Variants in HYDIN observed in about 807,000 individuals in gnomAD.
HYDIN encodes the protein axonemal central pair apparatus protein HYDIN.
In HYDIN, 132 loss-of-function variants were observed where a neutral mutation model predicts 403.9. The observed-to-expected ratio is 0.33, with a 90% CI of 0.28 to 0.38. The LOEUF (loss-of-function observed/expected upper bound fraction) is 0.38, where lower values mean the gene tolerates loss of function less well. Ranked by LOEUF, HYDIN falls within the 10% of genes least tolerant of loss-of-function variation. The pLI, the probability that HYDIN is intolerant of heterozygous loss-of-function variation, is 1.00. For missense variants in HYDIN, 2,827 were observed against 5,009.5 expected (o/e 0.56, Z 13.15); for synonymous variants, 1,202 against 1,891.7 (o/e 0.64, Z 9.46).
Position 71,067,294 on chromosome 16 carries a change from C to T in HYDIN, c.2071G>A (p.Ala691Thr), listed in dbSNP as rs769834069. 1.2e-6 allele frequency: 2 copies of T among 1,608,180 alleles called. No individual in the cohort carries two copies. Among genetic ancestry groups the T allele is most frequent in the Admixed American group, 1.7e-5 (1 of 59,676 alleles). Reference sequence around the variant, plus strand: ...GAGCAAGCTGGGGAGCAATACCTTGCTGTAATTAAGAGCGCCAGCACCTCT... The same window carrying T: ...GAGCAAGCTGGGGAGCAATACCTTGTTGTAATTAAGAGCGCCAGCACCTCT... ...GEEVLALLIT[A>T]RCVVPALHLV... Residue 691 changes from alanine (A) to threonine (T), a missense_variant, in exon 15 of 86, where the codon GCA (alanine) becomes ACA (threonine). Transcript: ENST00000393567.
Position 71,040,196 on chromosome 16 carries a change from C to A in HYDIN, c.2530-8279G>T, listed in dbSNP as rs1228585494. On this transcript the variant is annotated intron_variant, in intron 18 of 85. Coordinates refer to ENST00000393567, the MANE Select transcript of HYDIN (RefSeq NM_001270974.2). ...TGGTGCCGATGCGGTTGGCTGGTTT[C>A]AGCACTCATGCATTCCAGTTCCCAC... 2.0e-5 allele frequency among the ~76,000 whole-genome samples: 3 copies of A among 152,100 alleles called. No individual in the cohort carries two copies. In the East Asian group the frequency reaches 5.8e-4, roughly 30 times the overall value.
In HYDIN at chr16:70,862,041, T is replaced by A. The variant is rs1413779166; in HGVS notation, c.11777+7A>T. On this transcript the variant is annotated splice_region_variant and intron_variant, in intron 69 of 85. Transcript: ENST00000393567. ...AGAAGGGTGTTGTGGCGAGCACATT[T>A]TCTTACTGGCAGAAAAGGTTGCTCT... 9 of 1,558,670 alleles carry A rather than the reference T, an allele frequency of 5.8e-6. No individual in the cohort carries two copies.
intron 50 of HYDIN, among the ~76,000 whole-genome samples, chr16:70,906,375 T>C (rs1436009470): frequency 1.3e-5 from 2 of 151,812 alleles, no homozygotes; most frequent in Non-Finnish European, 2.9e-5. Flanking sequence ...AAAGACATGA[T>C]TGCGTAGGAG....
chr16:70,891,252 G>A (rs1387775479), intron 57 of HYDIN, among the ~76,000 whole-genome samples: 1 of 151,974 alleles, frequency 6.6e-6, no homozygotes. Flanking sequence ...GCAGTGGCGC[G>A]ATCTCGGCTC....
At position 70,908,389 on chromosome 16, in the gene HYDIN, C is replaced by T. The variant is rs755781367; in HGVS notation, c.8259G>A (p.Thr2753=). Residue 2753 remains threonine, a synonymous_variant, in exon 49 of 86, where the codon ACG becomes ACA. Coordinates refer to ENST00000393567, the MANE Select transcript of HYDIN (RefSeq NM_001270974.2). ...RWIVPANGEV[T]LQVHFSSDEF... ...CATCAGAAGAGAAGTGCACCTGCAA[C>T]GTTACCTCGCCATTGGCTGGCACGA... 16 of 1,286,502 alleles carry T rather than the reference C, an allele frequency of 1.2e-5. No homozygotes were observed. The highest frequency in any genetic ancestry group is 4.2e-5 in the South Asian group (3 of 71,550). 79.7% of individuals were successfully genotyped at this position (1,286,502 alleles called of 1,614,324 possible). A position where few individuals can be genotyped will look rare whatever the true frequency, so the allele number is the denominator to read the frequency against.
At chr16:71,038,010 C>G (rs374522693) in intron 18 of HYDIN, among the ~76,000 whole-genome samples, 2 of 152,138 alleles carry the variant, frequency 1.3e-5, no homozygotes, top group African/African-American at 4.8e-5. Flanking sequence ...AAAAAATGAG[C>G]CTTCCTAAGC....
intron 8 of HYDIN, among the ~76,000 whole-genome samples, chr16:71,134,545 C>T (rs1212027196): frequency 2.0e-5 from 3 of 152,072 alleles, no homozygotes; most frequent in Non-Finnish European, 2.9e-5. Context: ...GGGTCTCTGC[C>T]CATAAGCAAG....
intron 80 of HYDIN, among the ~76,000 whole-genome samples, chr16:70,831,539 A>C (rs987586564): frequency 1.3e-5 from 2 of 148,902 alleles, no homozygotes; most frequent in Admixed American, 6.7e-5. Context: ...CAAAAAAAAA[A>C]AAAACAAGAA....
At chr16:71,176,660 A>T (rs2086681624) in intron 4 of HYDIN, among the ~76,000 whole-genome samples, 1 of 152,212 alleles carries the variant, frequency 6.6e-6, no homozygotes, top group Non-Finnish European at 1.5e-5. Flanking sequence ...GAGCAGCAGG[A>T]GATCCCCCAG....
chr16:70,994,530 C>T (rs1419558578), intron 23 of HYDIN, among the ~76,000 whole-genome samples: 1 of 151,464 alleles, frequency 6.6e-6, no homozygotes, highest in African/African-American at 2.4e-5. Flanking sequence ...TGAAACCACT[C>T]CATTAGGGGC....
chr16:71,090,734 G>C (rs117124463), intron 11 of HYDIN, among the ~76,000 whole-genome samples: 12,206 of 151,876 alleles, frequency 0.08, 1,186 homozygotes, highest in African/African-American at 0.22. Flanking sequence ...TGAACTCCTG[G>C]GCTCAAGCGA....
At chr16:70,839,526 T>C (rs1348515202) in intron 76 of HYDIN, among the ~76,000 whole-genome samples, 3 of 146,760 alleles carry the variant, frequency 2.0e-5, no homozygotes. Context: ...ATTTTCATCA[T>C]GATGGAAAGT....
chr16:71,192,249 T>A (rs1382482538), intron 1 of HYDIN, among the ~76,000 whole-genome samples: 2 of 152,128 alleles, frequency 1.3e-5, no homozygotes, highest in African/African-American at 4.8e-5. Flanking sequence ...CTCTTTTCCA[T>A]CCCTGCTGCC....
intron 45 of HYDIN, among the ~76,000 whole-genome samples, chr16:70,934,138 T>C (rs898045505): frequency 3.3e-5 from 5 of 152,128 alleles, no homozygotes; most frequent in Non-Finnish European, 7.4e-5. Context: ...AGTCAAGGCC[T>C]AACCCATGCC....
intron 1 of HYDIN, among the ~76,000 whole-genome samples, chr16:71,223,958 A>G (rs2040918027): frequency 6.6e-6 from 1 of 152,252 alleles, no homozygotes; most frequent in South Asian, 2.1e-4. Flanking sequence ...TACCCAAAGG[A>G]AAAGAAGTCA....
At chr16:71,028,472 T>C (rs564099700) in intron 19 of HYDIN, among the ~76,000 whole-genome samples, 3 of 152,260 alleles carry the variant, frequency 2.0e-5, no homozygotes, top group Admixed American at 6.5e-5. Context: ...AAATATTTAC[T>C]AAGAACGTTC....
Position 70,807,715 on chromosome 16 carries a change from G to A in HYDIN, c.15231C>T (p.Ile5077=). Residue 5077 remains isoleucine (I), a synonymous_variant, in exon 86 of 86, where the codon ATC becomes ATT. Transcript: ENST00000393567. ...ATGGGTTTCCTTCAAAGGAGACTGT[G>A]ATGTTGTTGATCTTCTTGGGCCGCA... is the stretch of plus-strand genomic sequence containing the variant. ...ESVRPKKINN[I]TVSFEGNPSG... 6.2e-7 allele frequency: 1 copy of A among 1,614,188 alleles called. No homozygotes were observed. The highest frequency in any genetic ancestry group is 8.5e-7 in the Non-Finnish European group (1 of 1,180,030).
intron 22 of HYDIN, among the ~76,000 whole-genome samples, chr16:71,019,776 G>A (rs960652213): frequency 4.6e-5 from 7 of 152,218 alleles, no homozygotes; most frequent in African/African-American, 1.7e-4. Flanking sequence ...GTCCAGACGT[G>A]AGAGAGGAAT....
rs1325199488 is a variant in HYDIN at position 70,972,060 on chromosome 16, T to TA, written c.5379+1282_5379+1283insT. On this transcript the variant is annotated intron_variant, in intron 35 of 85. Coordinates refer to ENST00000393567, the MANE Select transcript of HYDIN (RefSeq NM_001270974.2). Reference sequence around the variant, plus strand: ...TGCTTGAACAAATCTATTTTTTTTTTTTACTATATTTCCCTCATTAAGTAA... The same window carrying TA: ...TGCTTGAACAAATCTATTTTTTTTTTATTACTATATTTCCCTCATTAAGTAA... 2.6e-5 allele frequency among the ~76,000 whole-genome samples: 4 copies of TA among 151,788 alleles called. No homozygotes were observed. In the East Asian group the frequency reaches 7.8e-4, roughly 29 times the overall value.
Sources: allele counts gnomAD v4.1 joint callset (sites outside exome capture counted in the v4.1 genomes callset), GRCh38; gene constraint gnomAD v4.1.1; transcripts MANE v1.5; gene names NCBI Gene and HGNC (gene_info 2026-07-23, HGNC 2026-07-21).